PRELID2: variants seen among roughly 807,000 people sequenced by gnomAD.
The protein encoded by PRELID2 is PRELI domain containing 2.
A neutral mutation model predicts 28.4 loss-of-function variants in PRELID2; 25 were observed. The observed-to-expected ratio is 0.88, with a 90% confidence interval of 0.64 to 1.23. The LOEUF is 1.23. Among genes scored for constraint, PRELID2 ranks in the 50% most tolerant of loss-of-function variants. The probability of loss-of-function intolerance (pLI) is 0.00; values close to 1 mark genes in which losing one functional copy is unlikely to be tolerated. For missense variants in PRELID2, 201 were observed against 214.4 expected (o/e 0.94, Z 0.39); for synonymous variants, 76 against 71.6 (o/e 1.06, Z -0.31).
rs116433019 is a variant in PRELID2 at position 145,769,238 on chromosome 5, T to C, written c.475-4238A>G. ...ATTTCTTTCCCCTCTGAGATTTTTT[T>C]TTCTCTATTACAAGACTATCTTTCT... On this transcript the variant is annotated intron_variant, in intron 5 of 6. Transcript: ENST00000683046. 4.0e-3 allele frequency among the ~76,000 whole-genome samples: 611 copies of C among 152,344 alleles called. 3 individuals are homozygous for C. Among genetic ancestry groups the C allele is most frequent in the African/African-American group, 0.013 (550 of 41,564 alleles).
chr5:145,485,135 A>G (rs191954620), intron 1 of PRELID2, among the ~76,000 whole-genome samples: 2 of 152,372 alleles, frequency 1.3e-5, no homozygotes, highest in East Asian at 3.9e-4. Flanking sequence ...ACAAGATAAT[A>G]AAACTAAAAT....
chr5:145,661,683 AAAAAAAC>A (rs1338047523), intron 1 of PRELID2, among the ~76,000 whole-genome samples: 72 of 151,034 alleles, frequency 4.8e-4, no homozygotes, highest in African/African-American at 1.6e-3. Context: ...AAAAAAAAAA[AAAAAAAC>A]ATGTTATGCT....
At chr5:145,248,675 T>C in the PRELID2 span, among the ~76,000 whole-genome samples, 1 of 152,076 alleles carries the variant, frequency 6.6e-6, no homozygotes, top group African/African-American at 2.4e-5. Flanking sequence ...TGCACACCTG[T>C]AGTCCCAGCT....
the PRELID2 span, among the ~76,000 whole-genome samples, chr5:145,329,446 C>T: frequency 6.6e-6 from 1 of 152,056 alleles, no homozygotes; most frequent in African/African-American, 2.4e-5. Flanking sequence ...TGTGTTCTCT[C>T]TTATTTCCTT....
chr5:145,308,883 T>C, the PRELID2 span, among the ~76,000 whole-genome samples: 1 of 152,160 alleles, frequency 6.6e-6, no homozygotes, highest in Non-Finnish European at 1.5e-5. Flanking sequence ...CATTTTTTTC[T>C]TTATTGTAAA....
At chr5:145,550,188 C>T (rs1752822647) in intron 1 of PRELID2, among the ~76,000 whole-genome samples, 2 of 152,160 alleles carry the variant, frequency 1.3e-5, no homozygotes, top group Admixed American at 1.3e-4. Flanking sequence ...GTGGTATGAA[C>T]TAGACCTAGA....
At chr5:145,703,530 C>A (rs2163793) in intron 1 of PRELID2, among the ~76,000 whole-genome samples, 1 of 152,200 alleles carries the variant, frequency 6.6e-6, no homozygotes, top group Non-Finnish European at 1.5e-5. Context: ...TCAGTTCCAA[C>A]AGCACATAGC....
the PRELID2 span, among the ~76,000 whole-genome samples, chr5:145,454,307 A>T: frequency 6.6e-6 from 1 of 152,016 alleles, no homozygotes; most frequent in Admixed American, 6.6e-5. Flanking sequence ...TCTATGACAA[A>T]CCCACAGCCA....
intron 1 of PRELID2, among the ~76,000 whole-genome samples, chr5:145,650,561 T>C (rs1202447703): frequency 1.5e-5 from 2 of 135,058 alleles, no homozygotes; most frequent in Non-Finnish European, 3.2e-5. Context: ...TATATATATA[T>C]ATATATATAT....
At chr5:145,408,681 T>C in the PRELID2 span, among the ~76,000 whole-genome samples, 8 of 151,814 alleles carry the variant, frequency 5.3e-5, no homozygotes. Context: ...AAAAAAGCAA[T>C]TGTAAAAATG....
At chr5:145,514,554 C>T (rs1364727516) in intron 1 of PRELID2, among the ~76,000 whole-genome samples, 1 of 152,094 alleles carries the variant, frequency 6.6e-6, no homozygotes, top group Admixed American at 6.6e-5. Flanking sequence ...TAGTGGGAGA[C>T]TTTAACACTC....
the PRELID2 span, among the ~76,000 whole-genome samples, chr5:145,351,678 C>A: frequency 6.6e-6 from 1 of 152,114 alleles, no homozygotes; most frequent in Admixed American, 6.6e-5. Context: ...CTCATTCTAC[C>A]ATTAGCCCAA....
chr5:145,680,289 G>A (rs1754906776), intron 1 of PRELID2, among the ~76,000 whole-genome samples: 1 of 152,184 alleles, frequency 6.6e-6, no homozygotes, highest in Non-Finnish European at 1.5e-5. Context: ...GGAAAGGAAA[G>A]AAAAGGAAAG....
chr5:145,727,150 G>A (rs1203229109), intron 1 of PRELID2, among the ~76,000 whole-genome samples: 4 of 152,198 alleles, frequency 2.6e-5, no homozygotes, highest in African/African-American at 9.7e-5. Context: ...CTGATTTACA[G>A]TTGTGATGGT....
At chr5:145,601,296 T>C (rs533499419) in intron 1 of PRELID2, among the ~76,000 whole-genome samples, 1 of 152,174 alleles carries the variant, frequency 6.6e-6, no homozygotes, top group Non-Finnish European at 1.5e-5. Context: ...ATAAATAAAT[T>C]GCTTAGCCTG....
the PRELID2 span, among the ~76,000 whole-genome samples, chr5:145,405,000 A>T: frequency 0.61 from 93,346 of 151,856 alleles, 29,401 homozygotes; most frequent in South Asian, 0.8. Context: ...CATGGTTTTA[A>T]ACACTGGGGC....
At chr5:145,659,444 C>T (rs562650774) in intron 1 of PRELID2, among the ~76,000 whole-genome samples, 100 of 152,216 alleles carry the variant, frequency 6.6e-4, no homozygotes, top group Non-Finnish European at 1.4e-3. Context: ...GTGCTTTACA[C>T]ACAGTAGGTG....
chr5:145,802,608 G>C (rs973664003), intron 4 of PRELID2, among the ~76,000 whole-genome samples: 5 of 152,154 alleles, frequency 3.3e-5, no homozygotes, highest in South Asian at 2.1e-4. Context: ...CAGGTCAACA[G>C]AAGACAACCT....
intron 1 of PRELID2, among the ~76,000 whole-genome samples, chr5:145,747,330 A>G (rs933420523): frequency 6.6e-6 from 1 of 152,182 alleles, no homozygotes; most frequent in Non-Finnish European, 1.5e-5. Flanking sequence ...ACAATAAAAA[A>G]TGATAAAGGG....
Sources: gnomAD v4.1 joint callset for allele counts (sites outside exome capture counted in the v4.1 genomes callset) on GRCh38, gnomAD v4.1.1 for gene constraint, MANE v1.5 for transcripts, NCBI Gene and HGNC (gene_info 2026-07-23, HGNC 2026-07-21) for gene names.